Variants in MYH3 observed in about 807,000 individuals in gnomAD.
The protein encoded by MYH3 is myosin-3.
A neutral mutation model predicts 238.0 loss-of-function variants in MYH3; 130 were observed. The observed-to-expected ratio is 0.55, with a 90% CI of 0.47 to 0.63. The LOEUF (loss-of-function observed/expected upper bound fraction) is 0.63. Among genes scored for constraint, MYH3 ranks in the 30% least tolerant of loss-of-function variants. MYH3 has a pLI of 0.00. For missense variants in MYH3, 1,853 were observed against 2,374.9 expected, an observed-to-expected ratio of 0.78 and a Z score of 4.57; for synonymous variants, 880 against 924.1, an observed-to-expected ratio of 0.95 and a Z score of 0.86.
chr17:10,671,136 C>T, the MYH3 span, among the ~76,000 whole-genome samples: 4 of 152,116 alleles, frequency 2.6e-5, no homozygotes, highest in Non-Finnish European at 4.4e-5. Flanking sequence ...TCAGGTGATC[C>T]GCCCGCCTTG....
At chr17:10,675,032 AG>A in the MYH3 span, 1 of 152,384 alleles carries the variant, frequency 6.6e-6, no homozygotes, top group Non-Finnish European at 1.5e-5. Context: ...CCTCAGTGTC[AG>A]GGTCCCAGGG....
intron 19 of MYH3, 61 bp downstream of exon 19, chr17:10,641,024 T>C (rs898303028): frequency 7.7e-7 from 1 of 1,292,132 alleles, no homozygotes. Flanking sequence ...TCTTTCTCCC[T>C]CTCAAATTCC....
At position 10,638,891 on chromosome 17, in the gene MYH3, C is replaced by T; in HGVS notation, c.3321G>A (p.Lys1107=). 1 of 1,614,096 alleles carries T rather than the reference C, an allele frequency of 6.2e-7. No homozygotes were observed. The highest frequency in any genetic ancestry group is 8.5e-7 in the Non-Finnish European group (1 of 1,179,958). ...DEQTLGLQFQ[K]KIKELQARIE... is the part of the protein sequence containing the mutation. ...CTCCTACCTGCAACTCTTTGATTTTCTTCTGAAACTGGAGGCCCAGTGTCT... is the reference window on the plus strand; with the variant it reads ...CTCCTACCTGCAACTCTTTGATTTTTTTCTGAAACTGGAGGCCCAGTGTCT... Residue 1107 remains lysine (K), a synonymous_variant, in exon 26 of 41, where the codon AAG becomes AAA. Transcript: ENST00000583535.
the MYH3 span, among the ~76,000 whole-genome samples, chr17:10,669,031 C>G: frequency 6.6e-6 from 1 of 152,154 alleles, no homozygotes; most frequent in Non-Finnish European, 1.5e-5. Flanking sequence ...TTAGGCAGAG[C>G]AGGTGGAATT....
chr17:10,642,564 T>A lies in MYH3; in HGVS notation c.1741A>T (p.Ile581Phe). 2.5e-6 allele frequency: 4 copies of A among 1,614,110 alleles called. No homozygotes were observed. The highest frequency in any genetic ancestry group is 3.4e-6 in the Non-Finnish European group (4 of 1,180,018). Reference protein sequence around the residue: ...KGRAEAHFSLIHYAGTVDYSV... With the variant: ...KGRAEAHFSLFHYAGTVDYSV... Reference sequence around the variant, plus strand: ...TAGTCCACGGTGCCCGCATAGTGGATCAGTGAGAAGTGAGCCTCGGCCCTG... The same window carrying A: ...TAGTCCACGGTGCCCGCATAGTGGAACAGTGAGAAGTGAGCCTCGGCCCTG... Residue 581 changes from isoleucine to phenylalanine, a missense_variant, in exon 16 of 41, where the codon ATC becomes TTC. Physicochemically the swap from Ile to Phe is conservative, Grantham distance 21. Transcript: ENST00000583535. The surrounding 1 kb of genome is among the most constrained non-coding windows in gnomAD (Gnocchi z 5.4).
At chr17:10,632,338 C>T in intron 34 of MYH3, 138 bp downstream of exon 34, 1 of 1,042,732 alleles carries the variant, frequency 9.6e-7, no homozygotes, top group South Asian at 1.3e-5. Flanking sequence ...AGGCTGGTAT[C>T]AAACTCCTGG....
rs374066994 is a variant in MYH3 at position 10,634,192 on chromosome 17, C to A, written c.4357-10G>T. 1.9e-6 allele frequency: 3 copies of A among 1,614,076 alleles called. No homozygotes were observed. The highest frequency in any genetic ancestry group is 2.2e-5 in the East Asian group (1 of 44,880). Reference sequence around the variant, plus strand: ...TCCACTCTGCCAACACCTGAAACACCGGACGGAAGTTCTCTCCGTTTCTGA... The same window carrying A: ...TCCACTCTGCCAACACCTGAAACACAGGACGGAAGTTCTCTCCGTTTCTGA... On this transcript the variant is annotated splice_polypyrimidine_tract_variant and intron_variant, in intron 31 of 40. Coordinates refer to ENST00000583535, the MANE Select transcript of MYH3 (RefSeq NM_002470.4).
rs755609238 is a variant in MYH3 at position 10,632,662 on chromosome 17, G to C, written c.4770C>G (p.Asn1590Lys). The change falls in exon 34 of 41, where the codon AAC becomes AAG. Residue 1590 changes from asparagine (N) to lysine (K), a missense_variant. Asn to Lys is a moderately conservative substitution (Grantham distance 94, BLOSUM62 0). This residue lies in a region of MYH3 where 1,044 missense variants were observed against 1,192.6 expected (regional missense o/e 0.88). Transcript: ENST00000583535. ...KDEEIEQLKR[N>K]YQRTVETMQS... ...GCATGGTTTCCACTGTTCTCTGGTA[G>C]TTCCTCTTCAGCTGCTCGATCTCTT... 7.4e-6 allele frequency: 12 copies of C among 1,614,148 alleles called. No homozygotes were observed. Among genetic ancestry groups the C allele is most frequent in the Non-Finnish European group, 1.0e-5 (12 of 1,180,040 alleles).
the MYH3 span, chr17:10,673,391 T>G: frequency 1.3e-5 from 2 of 152,258 alleles, no homozygotes; most frequent in Non-Finnish European, 1.5e-5. Context: ...TGTGCTGTGA[T>G]CCCGCACGTT....
chr17:10,676,432 A>T, the MYH3 span: 1 of 152,024 alleles, frequency 6.6e-6, no homozygotes, highest in East Asian at 1.9e-4. Context: ...TCTCTTTCAG[A>T]GGCACATGCT....
chr17:10,651,184 C>CAA (rs35638998), intron 5 of MYH3, among the ~76,000 whole-genome samples: 69,858 of 105,568 alleles, frequency 0.66, 23,765 homozygotes, highest in Non-Finnish European at 0.79. Context: ...GACTCCATCT[C>CAA]AAAAAAAAAA....
Position 10,638,072 on chromosome 17 carries a change from T to C in MYH3, c.3700A>G (p.Ser1234Gly). Residue 1234 changes from serine (S) to glycine (G), a missense_variant, in exon 27 of 41, where the codon AGC (serine) becomes GGC (glycine). Coordinates refer to ENST00000583535, the MANE Select transcript of MYH3 (RefSeq NM_002470.4). ...EFKLEIDDLS[S>G]SMESVSKSKA... ...GATTTCGACACACTCTCCATGCTGCTGGAGAGGTCATCGATCTCCAGCTTG... is the reference window on the plus strand; with the variant it reads ...GATTTCGACACACTCTCCATGCTGCCGGAGAGGTCATCGATCTCCAGCTTG... 6.2e-7 allele frequency: 1 copy of C among 1,613,908 alleles called. No homozygotes were observed.
At position 10,642,134 on chromosome 17, in the gene MYH3, A is replaced by C. The variant is rs1395642954; in HGVS notation, c.1959+106T>G. Reference sequence around the variant, plus strand: ...TCACCTCAGTGACAGTAATCAGATTAAGACAACACTACTACTCTCAAATAA... The same window carrying C: ...TCACCTCAGTGACAGTAATCAGATTCAGACAACACTACTACTCTCAAATAA... On this transcript the variant is annotated intron_variant, in intron 17 of 40. Coordinates refer to ENST00000583535, the MANE Select transcript of MYH3 (RefSeq NM_002470.4). The surrounding 1 kb of genome is among the most constrained non-coding windows in gnomAD (Gnocchi z 5.4). The C allele has an allele frequency of 2.9e-5, 31 of 1,057,298 alleles. No homozygotes were observed. The highest frequency in any genetic ancestry group is 3.9e-5 in the Non-Finnish European group (27 of 695,336). 65.5% of individuals were successfully genotyped at this position (1,057,298 alleles called of 1,614,324 possible).
chr17:10,667,969 T>C, the MYH3 span, among the ~76,000 whole-genome samples: 1 of 152,206 alleles, frequency 6.6e-6, no homozygotes, highest in East Asian at 1.9e-4. Flanking sequence ...ATCCTGAAAT[T>C]GAATATGAAC....
chr17:10,656,545 A>T (rs55899200), intron 1 of MYH3, among the ~76,000 whole-genome samples: 2 of 27,802 alleles, frequency 7.2e-5, no homozygotes, highest in East Asian at 9.7e-4. Flanking sequence ...CTCAAAAAAA[A>T]AAAAAAAAAA....
intron 28 of MYH3, 48 bp downstream of exon 28, chr17:10,637,761 T>C: frequency 6.2e-7 from 1 of 1,612,850 alleles, no homozygotes; most frequent in South Asian, 1.1e-5. Context: ...CTACGCCCAT[T>C]GGGTGCCAGG....
the MYH3 span, chr17:10,672,862 A>T: frequency 6.6e-6 from 1 of 152,146 alleles, no homozygotes; most frequent in Non-Finnish European, 1.5e-5. Context: ...GTAATTTTTA[A>T]ATACAGTAGG....
chr17:10,642,550 G>A lies in MYH3; in HGVS notation c.1755C>T (p.Gly585=). Residue 585 remains glycine (G), a synonymous_variant, in exon 16 of 41, where the codon GGC becomes GGT. Transcript: ENST00000583535. This position sits in a 1 kb window ranked among gnomAD's most constrained non-coding sequence, Gnocchi z 5.4. The part of the protein sequence containing the change: ...EAHFSLIHYA[G]TVDYSVSGWL... ...AACCTGAGACACTGTAGTCCACGGT[G>A]CCCGCATAGTGGATCAGTGAGAAGT... is the stretch of plus-strand genomic sequence containing the variant. 2 of 1,614,222 alleles carry A rather than the reference G, an allele frequency of 1.2e-6. No homozygotes were observed. The highest frequency in any genetic ancestry group is 1.1e-5 in the South Asian group (1 of 91,086).
intron 4 of MYH3, chr17:10,652,068 G>T: frequency 2.5e-6 from 1 of 396,242 alleles, no homozygotes; most frequent in Non-Finnish European, 4.8e-6. Context: ...ATGTTTCTTT[G>T]GGATAAACTT....
Sources: allele counts gnomAD v4.1 joint callset (sites outside exome capture counted in the v4.1 genomes callset), GRCh38; gene constraint gnomAD v4.1.1; regional missense constraint gnomAD v4.1.1; non-coding constraint Gnocchi (gnomAD v3.1); transcripts MANE v1.5; gene names NCBI Gene and HGNC (gene_info 2026-07-23, HGNC 2026-07-21).